The following SLC25A23 variants were observed in gnomAD, a reference collection of about 807,000 sequenced individuals.
SLC25A23 encodes solute carrier family 25 member 23.
SLC25A23 carries 32 observed loss-of-function variants against 53.9 expected under a neutral mutation model. The observed-to-expected ratio is 0.59, with a 90% confidence interval of 0.45 to 0.80. SLC25A23 has a LOEUF of 0.80. Among genes scored for constraint, SLC25A23 ranks in the 30% least tolerant of loss-of-function variants. SLC25A23 has a pLI of 0.00. For synonymous variants in SLC25A23, 275 were observed against 264.5 expected, an observed-to-expected ratio of 1.04 and a Z score of -0.38; for missense variants, 575 against 651.4, an observed-to-expected ratio of 0.88 and a Z score of 1.28.
In SLC25A23 at chr19:6,459,530, C is replaced by T; in HGVS notation, c.99G>A (p.Glu33=). 2 of 1,598,880 alleles carry T rather than the reference C, an allele frequency of 1.3e-6. No homozygotes were observed. The highest frequency in any genetic ancestry group is 2.7e-5 in the African/African-American group (2 of 74,328). The change falls in exon 1 of 10, where the codon GAG becomes GAA. Residue 33 remains glutamate, a synonymous_variant. Coordinates refer to ENST00000301454, the MANE Select transcript of SLC25A23 (RefSeq NM_024103.3). The surrounding 1 kb of genome is among the most constrained non-coding windows in gnomAD (Gnocchi z 4.6). ...CCAGCCTGGCCAGCCCCTGGCGCAACTCGTGCACGTCCACGCGGCCATCCT... is the reference window on the plus strand; with the variant it reads ...CCAGCCTGGCCAGCCCCTGGCGCAATTCGTGCACGTCCACGCGGCCATCCT... ...SNKDGRVDVH[E]LRQGLARLGG... is the part of the protein sequence containing the mutation.
chr19:6,436,486 T>C (rs978739936), downstream of SLC25A23: 2 of 455,112 alleles, frequency 4.4e-6, no homozygotes, highest in South Asian at 1.6e-5. Context: ...GCAAATGTTA[T>C]GAGAAAGGGG....
downstream of SLC25A23, among the ~76,000 whole-genome samples, chr19:6,439,397 TCTCA>T (rs1555732560): frequency 7.3e-3 from 758 of 104,192 alleles, no homozygotes; most frequent in African/African-American, 0.01. Flanking sequence ...TCTCTCTCTC[TCTCA>T]CACACACACA....
At chr19:6,442,352 T>C (rs1568361197) in intron 9 of SLC25A23, among the ~76,000 whole-genome samples, 193 bp from the exon 10 acceptor site, 2 of 152,106 alleles carry the variant, frequency 1.3e-5, no homozygotes, top group Non-Finnish European at 2.9e-5. Context: ...CGCCCCAAGT[T>C]TGGGGACAAT....
At position 6,459,612 on chromosome 19, in the gene SLC25A23, C is replaced by T. The variant is rs781638258; in HGVS notation, c.17G>A (p.Gly6Asp). 7 of 1,519,524 alleles carry T rather than the reference C, an allele frequency of 4.6e-6. No individual in the cohort carries two copies. In the South Asian group the frequency reaches 8.6e-5, roughly 19 times the overall value. The allele number at this position is 1,519,524 out of a possible 1,614,324, so 94.1% of individuals were successfully genotyped here. A position where few individuals can be genotyped will look rare whatever the true frequency, so the allele number is the denominator to read the frequency against. Residue 6 changes from glycine (G) to aspartate (D), a missense_variant, in exon 1 of 10, where the codon GGC becomes GAC. By Grantham distance (94) the Gly-to-Asp change is moderately conservative (BLOSUM62 -1). Transcript: ENST00000301454. This position sits in a 1 kb window ranked among gnomAD's most constrained non-coding sequence, Gnocchi z 4.6. MRGSP[G>D]DAERRQRWGR... The stretch of plus-strand genomic sequence containing the variant: ...CCAGCGCTGCCGCCGCTCCGCGTCG[C>T]CCGGGCTCCCCCGCATGGCGCCCGC...
At position 6,440,147 on chromosome 19, in the gene SLC25A23, G is replaced by A. The variant is rs2092397931; in HGVS notation, c.*1828C>T. ...AGGGAGGTGGGGCGCAGTGGAGGTC[G>A]AAGGAGGTGGAAGCGTGCGGAAGTC... On this transcript the variant is annotated 3_prime_UTR_variant, in exon 10 of 10. Coordinates refer to ENST00000301454, the MANE Select transcript of SLC25A23 (RefSeq NM_024103.3). 2 of 152,280 alleles carry A rather than the reference G, an allele frequency of 1.3e-5. No homozygotes were observed. The highest frequency in any genetic ancestry group is 1.3e-4 in the Admixed American group (2 of 15,252). The allele number at this position is 152,280 out of a possible 1,614,324, so 9.4% of individuals were successfully genotyped here.
At chr19:6,451,246 G>A (rs576148215) in intron 8 of SLC25A23, among the ~76,000 whole-genome samples, 29 of 148,994 alleles carry the variant, frequency 1.9e-4, no homozygotes, top group African/African-American at 4.5e-4. Context: ...AAAATTAGCC[G>A]GGCATGGTGA....
intron 8 of SLC25A23, among the ~76,000 whole-genome samples, chr19:6,450,787 C>T (rs1373790997): frequency 6.6e-6 from 1 of 151,846 alleles, no homozygotes; most frequent in Non-Finnish European, 1.5e-5. Flanking sequence ...GTCCCTTGTT[C>T]AAAAATTATT....
intron 9 of SLC25A23, among the ~76,000 whole-genome samples, chr19:6,443,099 C>T (rs1036472090): frequency 6.6e-6 from 1 of 151,414 alleles, no homozygotes; most frequent in African/African-American, 2.4e-5. Flanking sequence ...CTATCACACC[C>T]GGCTAATTTT....
rs879843418 is a variant in SLC25A23 at position 6,459,699 on chromosome 19, C to T, written c.-71G>A. 3 of 1,192,644 alleles carry T rather than the reference C, an allele frequency of 2.5e-6. No individual in the cohort carries two copies. The highest frequency in any genetic ancestry group is 2.1e-6 in the Non-Finnish European group (2 of 952,084). The allele number at this position is 1,192,644 out of a possible 1,614,324, so 73.9% of individuals were successfully genotyped here. Reference sequence around the variant, plus strand: ...GTGGGGGCTTCGCGGCTCCCCCTCCCCCCCCGGGACCCCGCAGGGTCAGCT... The same window carrying T: ...GTGGGGGCTTCGCGGCTCCCCCTCCTCCCCCGGGACCCCGCAGGGTCAGCT... On this transcript the variant is annotated 5_prime_UTR_variant, in exon 1 of 10. Coordinates refer to ENST00000301454, the MANE Select transcript of SLC25A23 (RefSeq NM_024103.3). This position sits in a 1 kb window ranked among gnomAD's most constrained non-coding sequence, Gnocchi z 4.6.
chr19:6,443,091 A>G (rs941703082), intron 9 of SLC25A23, among the ~76,000 whole-genome samples: 5 of 151,140 alleles, frequency 3.3e-5, no homozygotes, highest in African/African-American at 1.2e-4. Flanking sequence ...GGCGCCTGCT[A>G]TCACACCCGG....
At chr19:6,456,731 G>A (rs2092687380) in intron 3 of SLC25A23, among the ~76,000 whole-genome samples, 200 bp from the exon 4 acceptor site, 1 of 151,974 alleles carries the variant, frequency 6.6e-6, no homozygotes. Flanking sequence ...CCAGGCTAGA[G>A]AGCAATGGTG....
rs756494684 is a variant in SLC25A23, at chr19:6,459,655, C to T, written c.-27G>A. 2 of 1,340,850 alleles carry T rather than the reference C, an allele frequency of 1.5e-6. No homozygotes were observed. Among genetic ancestry groups the T allele is most frequent in the East Asian group, 6.2e-5 (2 of 32,222 alleles). The allele number at this position is 1,340,850 out of a possible 1,614,324, so 83.1% of individuals were successfully genotyped here. On this transcript the variant is annotated 5_prime_UTR_variant, in exon 1 of 10. Coordinates refer to ENST00000301454, the MANE Select transcript of SLC25A23 (RefSeq NM_024103.3). The surrounding 1 kb of genome is among the most constrained non-coding windows in gnomAD (Gnocchi z 4.6). ...GCGCCCGCCCGGGGGGGAGGGGAGGCCCGGCAGCGGCGGCCTCAGTGGGGG... is the reference window on the plus strand; with the variant it reads ...GCGCCCGCCCGGGGGGGAGGGGAGGTCCGGCAGCGGCGGCCTCAGTGGGGG...
In SLC25A23 at chr19:6,459,757, G is replaced by A. The variant is rs2092737314; in HGVS notation, c.-129C>T. The A allele has an allele frequency of 1.3e-6, 1 of 768,902 alleles. No individual in the cohort carries two copies. Among genetic ancestry groups the A allele is most frequent in the East Asian group, 4.1e-5 (1 of 24,236 alleles). The allele number at this position is 768,902 out of a possible 1,614,324, so 47.6% of individuals were successfully genotyped here. A position where few individuals can be genotyped will look rare whatever the true frequency, so the allele number is the denominator to read the frequency against. On this transcript the variant is annotated 5_prime_UTR_variant, in exon 1 of 10. Transcript: ENST00000301454. This position sits in a 1 kb window ranked among gnomAD's most constrained non-coding sequence, Gnocchi z 4.6. ...CCGCCGGCTCCGCAGCCTCCGCGCA[G>A]TCCGCTCGGCTCTGGCACTTGCGGG...
intron 8 of SLC25A23, among the ~76,000 whole-genome samples, chr19:6,451,768 G>A (rs975676943): frequency 2.0e-5 from 3 of 152,072 alleles, no homozygotes; most frequent in Non-Finnish European, 2.9e-5. Context: ...CTTAGAGACC[G>A]TGGCTGGGTC....
chr19:6,442,249 T>C (rs1252269360), intron 9 of SLC25A23, 90 bp from the exon 10 acceptor site: 2 of 871,472 alleles, frequency 2.3e-6, no homozygotes, highest in South Asian at 1.8e-5. Flanking sequence ...GGTGGTGTCA[T>C]TGCAGCAGGA....
At chr19:6,452,279 G>C in intron 8 of SLC25A23, 33 bp downstream of exon 8, 1 of 1,580,848 alleles carries the variant, frequency 6.3e-7, no homozygotes, top group Non-Finnish European at 8.6e-7. Flanking sequence ...TCCCAGAGGG[G>C]AGCAGGGAAA....
intron 1 of SLC25A23, among the ~76,000 whole-genome samples, 190 bp from the exon 2 acceptor site, chr19:6,458,514 G>C (rs2092715063): frequency 6.6e-6 from 1 of 152,156 alleles, no homozygotes; most frequent in African/African-American, 2.4e-5. Flanking sequence ...ACAGGTCTGT[G>C]CGGTGGGTGT....
intron 9 of SLC25A23, among the ~76,000 whole-genome samples, chr19:6,443,225 C>A (rs186564467): frequency 0.011 from 1,634 of 152,182 alleles, 20 homozygotes; most frequent in South Asian, 0.037. Flanking sequence ...AGGCGTGAGC[C>A]ACTACCCCTG....
chr19:6,436,211 C>G (rs2860185), downstream of SLC25A23: 2 of 280,848 alleles, frequency 7.1e-6, no homozygotes, highest in Non-Finnish European at 1.5e-5. Flanking sequence ...ACTCAGGAGC[C>G]GCTGAGCCGG....
Sources: allele counts gnomAD v4.1 joint callset (sites outside exome capture counted in the v4.1 genomes callset), GRCh38; gene constraint gnomAD v4.1.1; non-coding constraint Gnocchi (gnomAD v3.1); transcripts MANE v1.5; gene names NCBI Gene and HGNC (gene_info 2026-07-23, HGNC 2026-07-21).